The following FREM1 variants were observed in gnomAD, a reference collection of about 807,000 sequenced individuals.
FREM1 encodes the protein FRAS1 related extracellular matrix 1, also known as FRAS1-related extracellular matrix protein 1.
In FREM1, 220 loss-of-function variants were observed where a neutral mutation model predicts 210.1. The observed-to-expected ratio is 1.05, with a 90% CI of 0.94 to 1.17. The LOEUF (loss-of-function observed/expected upper bound fraction) is 1.17. Among genes scored for constraint, FREM1 ranks in the 50% most tolerant of loss-of-function variants. The probability of loss-of-function intolerance (pLI) is 0.00; values close to 1 mark genes in which losing one functional copy is unlikely to be tolerated. For missense variants in FREM1, 3,454 were observed against 2,675.5 expected, an observed-to-expected ratio of 1.29 and a Z score of -6.42; for synonymous variants, 1,189 against 980.2, an observed-to-expected ratio of 1.21 and a Z score of -3.98.
intron 1 of FREM1, among the ~76,000 whole-genome samples, chr9:14,886,895 C>CAA (rs59827471): frequency 1.9e-3 from 182 of 95,216 alleles, no homozygotes; most frequent in Non-Finnish European, 2.6e-3. Flanking sequence ...GACCTTGTTT[C>CAA]AAAAAAAAAA....
chr9:14,797,781 T>C (rs1852725134), intron 20 of FREM1, 139 bp from the exon 21 acceptor site: 2 of 585,472 alleles, frequency 3.4e-6, no homozygotes, highest in African/African-American at 1.9e-5. Flanking sequence ...AAATTAAACT[T>C]GTTTTATGAA....
intron 11 of FREM1, among the ~76,000 whole-genome samples, chr9:14,824,320 C>T (rs1004046603): frequency 1.3e-5 from 2 of 152,168 alleles, no homozygotes; most frequent in South Asian, 4.1e-4. Flanking sequence ...AAGGTATGTA[C>T]AGAATCTTTT....
chr9:14,868,702 T>C lies in FREM1; in HGVS notation c.234+42A>G, dbSNP rs772732618. 8 of 1,263,422 alleles carry C rather than the reference T, an allele frequency of 6.3e-6. No individual in the cohort carries two copies. The South Asian group carries it at 8.8e-5, about 14-fold the overall frequency. The allele number at this position is 1,263,422 out of a possible 1,614,324, so 78.3% of individuals were successfully genotyped here. A position where few individuals can be genotyped will look rare whatever the true frequency, so the allele number is the denominator to read the frequency against. On this transcript the variant is annotated intron_variant, in intron 2 of 36. Transcript: ENST00000380880. ...CCCCACACATTTTCATACACTTGCA[T>C]TCATACACACGACTGAACAGAAAAT...
Position 14,756,422 on chromosome 9 carries a change from C to T in FREM1, c.5359G>A (p.Gly1787Arg). 6.2e-7 allele frequency: 1 copy of T among 1,600,468 alleles called. No individual in the cohort carries two copies. Among genetic ancestry groups the T allele is most frequent in the South Asian group, 1.1e-5 (1 of 87,916 alleles). ...GATGGAATCACGGTGAAATCTTTTC[C>T]AACTGCAGCTGACACTTGGTTGACC... The part of the protein sequence containing the change: ...IKVNQVSAAV[G>R]KDFTVIPSKL... The change falls in exon 29 of 37, where the codon GGA (glycine) becomes AGA (arginine). Residue 1787 changes from glycine to arginine, a missense_variant. Gly to Arg is a moderately radical substitution (Grantham distance 125). Transcript: ENST00000380880.
chr9:14,804,262 A>G (rs558090130), intron 19 of FREM1, among the ~76,000 whole-genome samples: 2 of 152,170 alleles, frequency 1.3e-5, no homozygotes, highest in Non-Finnish European at 2.9e-5. Flanking sequence ...TTCACTCTCC[A>G]GTAGTCTCTC....
intron 21 of FREM1, among the ~76,000 whole-genome samples, 177 bp downstream of exon 21, chr9:14,797,321 G>C (rs1039995848): frequency 1.3e-5 from 2 of 152,154 alleles, no homozygotes; most frequent in South Asian, 4.1e-4. Flanking sequence ...TTAAGGAGAG[G>C]TTACCTTAAC....
At chr9:14,813,141 TAGTC>T in intron 15 of FREM1, 77 bp from the exon 16 acceptor site, 1 of 1,426,530 alleles carries the variant, frequency 7.0e-7, no homozygotes, top group Non-Finnish European at 9.5e-7. Flanking sequence ...CCATTGCTCA[TAGTC>T]AGAATGACAG....
At chr9:14,811,383 C>T (rs113014723) in intron 16 of FREM1, among the ~76,000 whole-genome samples, 1 of 152,174 alleles carries the variant, frequency 6.6e-6, no homozygotes, top group Non-Finnish European at 1.5e-5. Flanking sequence ...TTTACCTGTG[C>T]TGCATGAGCC....
intron 6 of FREM1, among the ~76,000 whole-genome samples, chr9:14,849,076 C>G (rs904281036): frequency 6.6e-6 from 1 of 152,204 alleles, no homozygotes; most frequent in African/African-American, 2.4e-5. Context: ...CACATTCAGT[C>G]ACTTAAATCT....
intron 8 of FREM1, among the ~76,000 whole-genome samples, chr9:14,844,691 T>A (rs1826278969): frequency 6.6e-6 from 1 of 152,258 alleles, no homozygotes; most frequent in Admixed American, 6.5e-5. Context: ...CATAGCAATA[T>A]GGTCATTTAA....
intron 23 of FREM1, 112 bp downstream of exon 23, chr9:14,788,807 T>C (rs770868674): frequency 3.7e-6 from 3 of 805,174 alleles, no homozygotes; most frequent in Non-Finnish European, 5.8e-6. Context: ...AGATGAAGAG[T>C]GGCAGGAAAA....
At chr9:14,814,681 C>T (rs1399408594) in intron 15 of FREM1, among the ~76,000 whole-genome samples, 1 of 152,138 alleles carries the variant, frequency 6.6e-6, no homozygotes, top group Non-Finnish European at 1.5e-5. Context: ...AGGAATATCA[C>T]CAACAAATTC....
Position 14,737,417 on chromosome 9 carries a change from A to G in FREM1, c.6519T>C (p.Tyr2173=). ...KDCRRAKPHN[Y]VCSRKL is the part of the protein sequence containing the mutation. ...ATATTTAGAGTTTTCTGGAACACAC[A>G]TAATTATGAGGTTTGGCTCTCCTAC... The change falls in exon 37 of 37, where the codon TAT becomes TAC. Residue 2173 remains tyrosine, a synonymous_variant. Coordinates refer to ENST00000380880, the MANE Select transcript of FREM1 (RefSeq NM_001379081.2). The G allele has an allele frequency of 6.2e-7, 1 of 1,613,754 alleles. No individual in the cohort carries two copies. Among genetic ancestry groups the G allele is most frequent in the Non-Finnish European group, 8.5e-7 (1 of 1,179,772 alleles).
intron 21 of FREM1, among the ~76,000 whole-genome samples, chr9:14,793,752 C>T (rs1851830436): frequency 6.6e-6 from 1 of 152,184 alleles, no homozygotes; most frequent in South Asian, 2.1e-4. Context: ...ATGAAGGATA[C>T]TTGAGAACCA....
At chr9:14,770,467 T>G in intron 26 of FREM1, 138 bp downstream of exon 26, 1 of 633,670 alleles carries the variant, frequency 1.6e-6, no homozygotes, top group African/African-American at 1.8e-5. Flanking sequence ...GGAGCAATAT[T>G]GATTTATAAA....
intron 35 of FREM1, among the ~76,000 whole-genome samples, chr9:14,742,416 G>C (rs1841739608): frequency 1.3e-5 from 2 of 152,110 alleles, no homozygotes; most frequent in African/African-American, 4.8e-5. Flanking sequence ...ATGAGCAGAT[G>C]AGATTACAAC....
chr9:14,740,978 T>C (rs1841476971), intron 35 of FREM1, among the ~76,000 whole-genome samples: 1 of 152,264 alleles, frequency 6.6e-6, no homozygotes, highest in East Asian at 1.9e-4. Context: ...TCTTTCTTCT[T>C]TAAAAATAAA....
intron 1 of FREM1, among the ~76,000 whole-genome samples, chr9:14,877,574 G>A (rs544791868): frequency 6.6e-6 from 1 of 152,044 alleles, no homozygotes; most frequent in South Asian, 2.1e-4. Flanking sequence ...AAGGTGATGG[G>A]TGTCACTCCT....
In FREM1 at chr9:14,789,053, A is replaced by G. The variant is rs758794677; in HGVS notation, c.4043T>C (p.Leu1348Pro). Residue 1348 changes from leucine (L) to proline (P), a missense_variant, in exon 23 of 37, where the codon CTG becomes CCG. Leu to Pro is a moderately conservative substitution (Grantham distance 98). Transcript: ENST00000380880. Reference sequence around the variant, plus strand: ...GGTGTGTGTGTATCTCAGCAAGTTCAGATCCACTTCCTCCTGAGTGCATTT... The same window carrying G: ...GGTGTGTGTGTATCTCAGCAAGTTCGGATCCACTTCCTCCTGAGTGCATTT... ...GMKCTQEEVDLNLLRYTHTGA... is the reference protein window; with the variant it reads ...GMKCTQEEVDPNLLRYTHTGA... 1.9e-6 allele frequency: 3 copies of G among 1,609,184 alleles called. No homozygotes were observed. Among genetic ancestry groups the G allele is most frequent in the Non-Finnish European group, 2.5e-6 (3 of 1,177,766 alleles).
Sources: allele counts gnomAD v4.1 joint callset (sites outside exome capture counted in the v4.1 genomes callset), GRCh38; gene constraint gnomAD v4.1.1; transcripts MANE v1.5; gene names NCBI Gene and HGNC (gene_info 2026-07-23, HGNC 2026-07-21).